IP6K1: variants seen among roughly 807,000 people sequenced by gnomAD.
IP6K1 encodes the protein ATP:1D-myo-inositol-hexakisphosphate phosphotransferase.
A neutral mutation model predicts 38.3 loss-of-function variants in IP6K1; 13 were observed. The observed-to-expected ratio is 0.34, with a 90% confidence interval of 0.22 to 0.54. The LOEUF (loss-of-function observed/expected upper bound fraction) is 0.54, where lower values mean the gene tolerates loss of function less well. IP6K1 is among the 20% of genes least tolerant of loss of function. IP6K1 has a pLI of 0.92. For synonymous variants in IP6K1, 212 were observed against 229.9 expected, an observed-to-expected ratio of 0.92 and a Z score of 0.70; for missense variants, 397 against 599.8, an observed-to-expected ratio of 0.66 and a Z score of 3.53.
intron 2 of IP6K1, among the ~76,000 whole-genome samples, chr3:49,746,820 T>C (rs2108236348): frequency 6.6e-6 from 1 of 152,244 alleles, no homozygotes; most frequent in Non-Finnish European, 1.5e-5. Flanking sequence ...ATTGTAATGA[T>C]TTCACTTTTA....
intron 1 of IP6K1, among the ~76,000 whole-genome samples, chr3:49,782,626 A>AC (rs984821172): frequency 6.6e-6 from 1 of 151,792 alleles, no homozygotes; most frequent in African/African-American, 2.4e-5. Context: ...ACATAGTGAG[A>AC]CCCCCATCTC....
intron 1 of IP6K1, chr3:49,785,520 AG>A (rs2081105754): frequency 6.6e-6 from 1 of 152,168 alleles, no homozygotes; most frequent in Non-Finnish European, 1.5e-5. Flanking sequence ...AAGAAAAAAA[AG>A]AAAAAAAACA....
chr3:49,738,454 G>A (rs956020882), intron 2 of IP6K1, 32 bp from the exon 3 acceptor site: 1 of 1,543,500 alleles, frequency 6.5e-7, no homozygotes, highest in African/African-American at 1.4e-5. Flanking sequence ...GTAAACAAAT[G>A]TCAACACAGG....
At chr3:49,758,378 T>C (rs973566087) in intron 1 of IP6K1, 1 of 146,304 alleles carries the variant, frequency 6.8e-6, no homozygotes. Context: ...GAGTAAGGAA[T>C]TATACAACTA....
rs186356836 is a variant in IP6K1 at position 49,746,267 on chromosome 3, G to A, written c.223+1551C>T. ...CATTTGTAAGACAATGTTCACAGCA[G>A]CATTATTCGCAATAGCCAAAAGGTG... On this transcript the variant is annotated intron_variant, in intron 2 of 5. Transcript: ENST00000321599. 3.3e-5 allele frequency among the ~76,000 whole-genome samples: 5 copies of A among 151,658 alleles called. No individual in the cohort carries two copies. In the East Asian group the frequency reaches 9.8e-4, roughly 30 times the overall value.
chr3:49,748,708 C>A (rs1278741542), intron 1 of IP6K1, among the ~76,000 whole-genome samples: 1 of 152,112 alleles, frequency 6.6e-6, no homozygotes, highest in Non-Finnish European at 1.5e-5. Context: ...GACAGTGGTC[C>A]CCAAATTTTT....
intron 1 of IP6K1, among the ~76,000 whole-genome samples, chr3:49,767,064 C>T (rs1220425225): frequency 6.6e-6 from 1 of 150,986 alleles, no homozygotes; most frequent in Non-Finnish European, 1.5e-5. Context: ...CAGTTTGAGA[C>T]CAGCCTGGGC....
chr3:49,738,176 T>C (rs747514258), intron 3 of IP6K1, 36 bp downstream of exon 3: 1 of 1,545,996 alleles, frequency 6.5e-7, no homozygotes, highest in Non-Finnish European at 8.9e-7. Flanking sequence ...ACGTCTTGAG[T>C]GCTTGTACCA....
intron 1 of IP6K1, among the ~76,000 whole-genome samples, chr3:49,764,836 C>T (rs1201593668): frequency 6.7e-6 from 1 of 150,242 alleles, no homozygotes; most frequent in Non-Finnish European, 1.5e-5. Context: ...CAACCTGCAC[C>T]ACTGCACTAT....
intron 1 of IP6K1, among the ~76,000 whole-genome samples, chr3:49,781,165 G>A (rs954799956): frequency 6.6e-6 from 1 of 151,702 alleles, no homozygotes; most frequent in African/African-American, 2.4e-5. Context: ...AGGTTCAAGT[G>A]ATTCTACTGC....
chr3:49,749,305 T>C (rs2108238597), intron 1 of IP6K1, among the ~76,000 whole-genome samples: 1 of 151,872 alleles, frequency 6.6e-6, no homozygotes, highest in South Asian at 2.1e-4. Flanking sequence ...ACCATTCCCT[T>C]TCTGTCTGAC....
intron 3 of IP6K1, among the ~76,000 whole-genome samples, chr3:49,735,372 G>C (rs1453190875): frequency 6.6e-6 from 1 of 152,034 alleles, no homozygotes; most frequent in African/African-American, 2.4e-5. Flanking sequence ...TAAAAAGAGT[G>C]GGGGGAAAAG....
In IP6K1 at chr3:49,779,096, G is replaced by C. The variant is rs147295404; in HGVS notation, c.-129+7258C>G. Reference sequence around the variant, plus strand: ...GAATGTTTTAATCATCTCAAAAAGAGATTCCATACTCTTAAGCTATCTTTT... The same window carrying C: ...GAATGTTTTAATCATCTCAAAAAGACATTCCATACTCTTAAGCTATCTTTT... On this transcript the variant is annotated intron_variant, in intron 1 of 5. Coordinates refer to ENST00000321599, the MANE Select transcript of IP6K1 (RefSeq NM_153273.4). Among the ~76,000 whole-genome samples, 442 of 152,292 alleles carry C rather than the reference G, an allele frequency of 2.9e-3. 2 individuals are homozygous for C. Among genetic ancestry groups the C allele is most frequent in the Non-Finnish European group, 5.4e-3 (368 of 68,030 alleles).
chr3:49,761,119 TCCTGGCC>T (rs2080864573), intron 1 of IP6K1, among the ~76,000 whole-genome samples: 6 of 148,210 alleles, frequency 4.0e-5, no homozygotes, highest in Middle Eastern at 3.6e-3. Flanking sequence ...ATCGAGACCA[TCCTGGCC>T]AACACGGTGA....
Position 49,726,711 on chromosome 3 carries a change from A to G in IP6K1, c.*411T>C, listed in dbSNP as rs1267781964. ...ACCCAGAGCCCTCTACTTCTGGGGA[A>G]CAAGGGAAGAGTGGGCGTGGAGGGG... is the stretch of plus-strand genomic sequence containing the variant. On this transcript the variant is annotated 3_prime_UTR_variant, in exon 6 of 6. Coordinates refer to ENST00000321599, the MANE Select transcript of IP6K1 (RefSeq NM_153273.4). 8.6e-6 allele frequency: 2 copies of G among 231,682 alleles called. No individual in the cohort carries two copies. The highest frequency in any genetic ancestry group is 4.5e-5 in the African/African-American group (2 of 44,356). The allele number at this position is 231,682 out of a possible 1,614,324, so 14.4% of individuals were successfully genotyped here.
chr3:49,773,120 T>C (rs1165089858), intron 1 of IP6K1, among the ~76,000 whole-genome samples: 2 of 152,188 alleles, frequency 1.3e-5, no homozygotes, highest in Non-Finnish European at 2.9e-5. Flanking sequence ...CCATTGCACC[T>C]GGCCAATTAA....
chr3:49,729,406 TTTTTA>T lies in IP6K1; in HGVS notation c.617-1133_617-1129del, dbSNP rs1267685380. Among the ~76,000 whole-genome samples, 9 of 147,758 alleles carry T rather than the reference TTTTTA, an allele frequency of 6.1e-5. No individual in the cohort carries two copies. In the East Asian group the frequency reaches 7.9e-4, roughly 13 times the overall value. The stretch of plus-strand genomic sequence containing the variant: ...TTTTATGTTGATTTATTTTTGTTAT[TTTTTA>T]TTTTATTTTTTTTTTGAGACGGAGT... On this transcript the variant is annotated intron_variant, in intron 4 of 5. Coordinates refer to ENST00000321599, the MANE Select transcript of IP6K1 (RefSeq NM_153273.4).
In IP6K1 at chr3:49,727,951, A is replaced by T; in HGVS notation, c.792+152T>A. ...CCCAATGTCGAGGCAGCAGACTCTC[A>T]CAGTGGTCCTGCACCTGAGGCCCAT... On this transcript the variant is annotated intron_variant, in intron 5 of 5. Coordinates refer to ENST00000321599, the MANE Select transcript of IP6K1 (RefSeq NM_153273.4). This position sits in a 1 kb window ranked among gnomAD's most constrained non-coding sequence, Gnocchi z 5.9. 1 of 756,078 alleles carries T rather than the reference A, an allele frequency of 1.3e-6. No individual in the cohort carries two copies. The highest frequency in any genetic ancestry group is 2.2e-6 in the Non-Finnish European group (1 of 454,654). The allele number at this position is 756,078 out of a possible 1,614,324, so 46.8% of individuals were successfully genotyped here.
chr3:49,727,134 G>A lies in IP6K1; in HGVS notation c.1314C>T (p.Asp438=), dbSNP rs749078065. ...CCCAGAACAGGGCCTACTGGTTCTCGTCCCGCATCTGTTCCATGATGCTGA... is the reference window on the plus strand; with the variant it reads ...CCCAGAACAGGGCCTACTGGTTCTCATCCCGCATCTGTTCCATGATGCTGA... ...NLISIMEQMR[D]ENQ The change falls in exon 6 of 6, where the codon GAC becomes GAT. Residue 438 remains aspartate (D), a synonymous_variant. Coordinates refer to ENST00000321599, the MANE Select transcript of IP6K1 (RefSeq NM_153273.4). This position sits in a 1 kb window ranked among gnomAD's most constrained non-coding sequence, Gnocchi z 5.9. 6.2e-6 allele frequency: 10 copies of A among 1,604,882 alleles called. No homozygotes were observed. Among genetic ancestry groups the A allele is most frequent in the East Asian group, 4.5e-5 (2 of 44,740 alleles).
Sources: allele counts gnomAD v4.1 joint callset (sites outside exome capture counted in the v4.1 genomes callset), GRCh38; gene constraint gnomAD v4.1.1; non-coding constraint Gnocchi (gnomAD v3.1); transcripts MANE v1.5; gene names NCBI Gene and HGNC (gene_info 2026-07-23, HGNC 2026-07-21).